Variants in LRMDA observed in about 807,000 individuals in gnomAD.
The protein encoded by LRMDA is leucine-rich melanocyte differentiation-associated protein.
A neutral mutation model predicts 29.8 loss-of-function variants in LRMDA; 18 were observed. The ratio of observed to expected loss-of-function variants is 0.60; its 90% CI spans 0.42 to 0.90. The LOEUF (loss-of-function observed/expected upper bound fraction) is 0.90, where lower values mean the gene tolerates loss of function less well. Ranked by LOEUF, LRMDA falls within the 40% of genes least tolerant of loss-of-function variation. LRMDA has a pLI of 0.00. For missense variants in LRMDA, 273 were observed against 273.9 expected, an observed-to-expected ratio of 1.00 and a Z score of 0.02; for synonymous variants, 125 against 109.4, an observed-to-expected ratio of 1.14 and a Z score of -0.89.
rs1366028408 is a variant in LRMDA at position 76,214,348 on chromosome 10, TTTTTTTTA to T, written c.517-110051_517-110044del. ...GAACCAAATTTTTTTTTTTTTTTTTTTTTTTTTATGAGACGGAGTCTCCTCTGTCGCCC... is the reference window on the plus strand; with the variant it reads ...GAACCAAATTTTTTTTTTTTTTTTTTTGAGACGGAGTCTCCTCTGTCGCCC... On this transcript the variant is annotated intron_variant, in intron 5 of 6. Coordinates refer to ENST00000611255, the MANE Select transcript of LRMDA (RefSeq NM_001305581.2). Among the ~76,000 whole-genome samples the T allele has an allele frequency of 6.0e-5, 8 of 133,834 alleles. No individual in the cohort carries two copies. The East Asian group carries it at 1.3e-3, about 22-fold the overall frequency. The allele number at this position is 133,834 out of a possible 152,430, so 87.8% of individuals were successfully genotyped here. A position where few individuals can be genotyped will look rare whatever the true frequency, so the allele number is the denominator to read the frequency against.
chr10:75,777,220 A>G (rs139198308), intron 2 of LRMDA, among the ~76,000 whole-genome samples: 1 of 152,214 alleles, frequency 6.6e-6, no homozygotes, highest in Non-Finnish European at 1.5e-5. Flanking sequence ...CAGTTTGAAC[A>G]TTAAAGATGT....
chr10:76,131,661 T>C (rs1163356480), intron 5 of LRMDA, among the ~76,000 whole-genome samples: 2 of 146,212 alleles, frequency 1.4e-5, no homozygotes, highest in African/African-American at 5.0e-5. Flanking sequence ...GCTATTTTGA[T>C]GGTTTTTTTT....
At chr10:75,909,062 C>T (rs1177394887) in intron 2 of LRMDA, among the ~76,000 whole-genome samples, 1 of 151,722 alleles carries the variant, frequency 6.6e-6, no homozygotes, top group Non-Finnish European at 1.5e-5. Context: ...TTGCTCTGGG[C>T]CAAATCTTGG....
chr10:76,363,176 A>AGAAAGAAAGAAAGAAAGAG (rs1459442138), intron 6 of LRMDA, among the ~76,000 whole-genome samples: 15 of 21,794 alleles, frequency 6.9e-4, no homozygotes, highest in East Asian at 4.2e-3. Context: ...AAAGAAAGAA[A>AGAAAGAAAGAAAGAAAGAG]GGAGGGAGGG....
At chr10:76,371,640 C>A (rs1841456407) in intron 6 of LRMDA, among the ~76,000 whole-genome samples, 1 of 152,178 alleles carries the variant, frequency 6.6e-6, no homozygotes, top group African/African-American at 2.4e-5. Flanking sequence ...AATGCATCTT[C>A]TGGCACCATC....
chr10:76,069,799 C>A (rs1479410606), intron 5 of LRMDA, among the ~76,000 whole-genome samples: 4 of 152,132 alleles, frequency 2.6e-5, no homozygotes, highest in African/African-American at 9.7e-5. Flanking sequence ...ACTCCTCCCC[C>A]ATTCCACAGC....
intron 2 of LRMDA, among the ~76,000 whole-genome samples, chr10:75,966,586 C>A (rs138950151): frequency 6.6e-6 from 1 of 152,162 alleles, no homozygotes; most frequent in East Asian, 1.9e-4. Flanking sequence ...CCTAGAAGGC[C>A]CTCCAAAAGT....
intron 2 of LRMDA, among the ~76,000 whole-genome samples, chr10:75,705,830 C>T (rs1842359550): frequency 1.3e-5 from 2 of 152,118 alleles, no homozygotes. Context: ...ATAGGTTTTG[C>T]TCCCAGTTTT....
chr10:76,255,693 T>G (rs1852581354), intron 5 of LRMDA, among the ~76,000 whole-genome samples: 1 of 152,194 alleles, frequency 6.6e-6, no homozygotes. Context: ...TAAAGCAGCA[T>G]GGAGCAAAAT....
intron 6 of LRMDA, among the ~76,000 whole-genome samples, chr10:76,375,099 T>C (rs956180035): frequency 6.6e-6 from 1 of 152,156 alleles, no homozygotes; most frequent in African/African-American, 2.4e-5. Context: ...TGCTAAAAGT[T>C]CAGTATACTT....
intron 2 of LRMDA, among the ~76,000 whole-genome samples, chr10:75,555,055 A>G (rs905864247): frequency 2.6e-5 from 4 of 152,144 alleles, no homozygotes; most frequent in African/African-American, 9.7e-5. Flanking sequence ...TTAAGCATCC[A>G]TGGGTATCTG....
intron 5 of LRMDA, among the ~76,000 whole-genome samples, chr10:76,279,984 TGTGA>T (rs1370723925): frequency 1.3e-5 from 2 of 152,164 alleles, no homozygotes; most frequent in Admixed American, 6.5e-5. Context: ...AATGCCTATT[TGTGA>T]GTGAGTGTGT....
chr10:75,586,370 A>ATT, intron 2 of LRMDA, among the ~76,000 whole-genome samples: 1 of 64,482 alleles, frequency 1.6e-5, no homozygotes, highest in Non-Finnish European at 2.6e-5. Flanking sequence ...TTTTTTTTTT[A>ATT]AATTAGAGAC....
intron 2 of LRMDA, 151 bp from the exon 3 acceptor site, chr10:76,035,857 G>T: frequency 1.5e-6 from 1 of 651,084 alleles, no homozygotes; most frequent in Non-Finnish European, 2.3e-6. Context: ...CCCGACTCCT[G>T]CTACTAATTC....
chr10:75,483,530 C>T (rs552115363), intron 2 of LRMDA, among the ~76,000 whole-genome samples: 1 of 152,104 alleles, frequency 6.6e-6, no homozygotes, highest in South Asian at 2.1e-4. Flanking sequence ...GTGATTTGAC[C>T]TTCTTGACCT....
At chr10:75,667,190 C>T (rs570092240) in intron 2 of LRMDA, among the ~76,000 whole-genome samples, 4 of 148,466 alleles carry the variant, frequency 2.7e-5, no homozygotes, top group South Asian at 2.2e-4. Flanking sequence ...CTATATTTGG[C>T]GGTATTTGTC....
rs139737213 is a variant in LRMDA at position 75,538,505 on chromosome 10, A to T, written c.131+100011A>T. ...TCTCTTATGTAATCTTCACCCGTAG[A>T]CTGTTCAAATCATAGGGAAAGGGTG... On this transcript the variant is annotated intron_variant, in intron 2 of 6. Coordinates refer to ENST00000611255, the MANE Select transcript of LRMDA (RefSeq NM_001305581.2). 3.1e-3 allele frequency among the ~76,000 whole-genome samples: 472 copies of T among 152,346 alleles called. 4 individuals are homozygous for T. In the Middle Eastern group the frequency reaches 0.054, roughly 18 times the overall value.
In LRMDA at chr10:75,776,895, C is replaced by T. The variant is rs572813395; in HGVS notation, c.132-259113C>T. On this transcript the variant is annotated intron_variant, in intron 2 of 6. Transcript: ENST00000611255. ...GAAGTCCCTGCTCTTTGTTGTAGAT[C>T]CGATATGACGTTTGAGGTTTTCAAA... Among the ~76,000 whole-genome samples, 6 of 152,278 alleles carry T rather than the reference C, an allele frequency of 3.9e-5. No individual in the cohort carries two copies. In the East Asian group the frequency reaches 1.2e-3, roughly 29 times the overall value.
intron 2 of LRMDA, among the ~76,000 whole-genome samples, chr10:75,505,472 A>C (rs747644441): frequency 2.6e-5 from 4 of 152,222 alleles, no homozygotes; most frequent in African/African-American, 9.6e-5. Flanking sequence ...TGGCACAGTC[A>C]CTAAACAGAA....
Sources: gnomAD v4.1 joint callset for allele counts (sites outside exome capture counted in the v4.1 genomes callset) on GRCh38, gnomAD v4.1.1 for gene constraint, MANE v1.5 for transcripts, NCBI Gene and HGNC (gene_info 2026-07-23, HGNC 2026-07-21) for gene names.